The following CRYM variants were observed in gnomAD, a reference collection of about 807,000 sequenced individuals.
CRYM encodes ketimine reductase mu-crystallin.
In CRYM, 18 loss-of-function variants were observed where a neutral mutation model predicts 32.9. That is an observed-to-expected ratio of 0.55 (90% CI 0.38 to 0.81). The LOEUF (loss-of-function observed/expected upper bound fraction) is 0.81. Ranked by LOEUF, CRYM falls within the 30% of genes least tolerant of loss-of-function variation. CRYM has a pLI of 0.00. For missense variants in CRYM, 337 were observed against 393.5 expected (o/e 0.86, Z 1.21); for synonymous variants, 153 against 152.4 (o/e 1.00, Z -0.03).
In CRYM at chr16:21,278,000, T is replaced by C. The variant is rs1567235922; in HGVS notation, c.170+82A>G. 6.9e-7 allele frequency: 1 copy of C among 1,449,650 alleles called. No individual in the cohort carries two copies. Among genetic ancestry groups the C allele is most frequent in the East Asian group, 2.5e-5 (1 of 40,264 alleles). The allele number at this position is 1,449,650 out of a possible 1,614,324, so 89.8% of individuals were successfully genotyped here. ...ACGGTTAGGCAAGCCGTCTCTTCCC[T>C]TCTCCCACCCCTCCTCTTCCTGCTC... On this transcript the variant is annotated intron_variant, in intron 1 of 7. Coordinates refer to ENST00000572914, the MANE Select transcript of CRYM (RefSeq NM_001376256.1). The surrounding 1 kb of genome is among the most constrained non-coding windows in gnomAD (Gnocchi z 4.2).
At chr16:21,283,914 AACC>A (rs1046044171) in intron 1 of CRYM, 5 of 152,720 alleles carry the variant, frequency 3.3e-5, no homozygotes, top group African/African-American at 1.2e-4. Context: ...GAGGAGCCCC[AACC>A]AGATGGACGC....
chr16:21,291,141 C>T (rs981753313), intron 1 of CRYM, among the ~76,000 whole-genome samples: 5 of 152,164 alleles, frequency 3.3e-5, no homozygotes, highest in African/African-American at 1.2e-4. Context: ...CAGTTCATTT[C>T]ATATAAAGCA....
intron 1 of CRYM, among the ~76,000 whole-genome samples, chr16:21,295,580 A>G (rs1316022379): frequency 2.6e-5 from 4 of 152,176 alleles, no homozygotes; most frequent in Admixed American, 1.3e-4. Context: ...GAATTCGTCC[A>G]TTTCACTTAA....
chr16:21,258,914 G>A, intron 7 of CRYM, 69 bp from the exon 8 acceptor site: 1 of 1,326,084 alleles, frequency 7.5e-7, no homozygotes, highest in South Asian at 1.2e-5. Flanking sequence ...CAGGCCCCAT[G>A]GCTGGAAGTT....
At chr16:21,287,577 C>T (rs1462187157) in intron 1 of CRYM, among the ~76,000 whole-genome samples, 1 of 152,240 alleles carries the variant, frequency 6.6e-6, no homozygotes, top group African/African-American at 2.4e-5. Flanking sequence ...ATCCTCACCC[C>T]TGATCTCCAG....
At chr16:21,278,337 C>G, upstream of CRYM, 5 of 1,497,576 alleles carry the variant, frequency 3.3e-6, no homozygotes, top group Non-Finnish European at 4.5e-6. Flanking sequence ...GCCCGCTGCT[C>G]TGTGGAGCCG....
At chr16:21,261,876 A>C in intron 6 of CRYM, 161 bp downstream of exon 6, 4 of 753,016 alleles carry the variant, frequency 5.3e-6, no homozygotes, top group Non-Finnish European at 6.6e-6. Context: ...CTGGAATGGA[A>C]TTAAAGAGGG....
chr16:21,261,065 C>A, intron 7 of CRYM, 189 bp downstream of exon 7: 1 of 641,098 alleles, frequency 1.6e-6, no homozygotes, highest in Non-Finnish European at 2.8e-6. Context: ...GGAAGGGACT[C>A]TGACCCAGGA....
intron 1 of CRYM, among the ~76,000 whole-genome samples, chr16:21,299,257 C>T (rs1960849330): frequency 6.6e-6 from 1 of 151,840 alleles, no homozygotes. Flanking sequence ...CTCAGCACTG[C>T]GTTTAGGAAT....
At chr16:21,280,305 G>A (rs566457563), upstream of CRYM, among the ~76,000 whole-genome samples, 2 of 152,234 alleles carry the variant, frequency 1.3e-5, no homozygotes, top group South Asian at 2.1e-4. Context: ...GCTGGAACCC[G>A]GGAGATGGAG....
At chr16:21,262,888 A>T (rs1190759551) in intron 5 of CRYM, among the ~76,000 whole-genome samples, 1 of 152,130 alleles carries the variant, frequency 6.6e-6, no homozygotes, top group African/African-American at 2.4e-5. Context: ...GGTCTGAGAG[A>T]GCACCTAGGC....
intron 1 of CRYM, among the ~76,000 whole-genome samples, chr16:21,286,752 G>A (rs1243899309): frequency 6.6e-6 from 1 of 152,084 alleles, no homozygotes; most frequent in Non-Finnish European, 1.5e-5. Context: ...TATTAAATAA[G>A]CCTACTATGT....
rs142217769 is a variant in CRYM, at chr16:21,258,684, G to A, written c.*97C>T. The A allele has an allele frequency of 5.3e-5, 54 of 1,026,472 alleles. No individual in the cohort carries two copies. The African/African-American group carries it at 7.2e-4, about 14-fold the overall frequency. 63.6% of individuals were successfully genotyped at this position (1,026,472 alleles called of 1,614,324 possible). ...AAAACATGATAAGCACAAAAGGAGA[G>A]TTCACTGGGGACTGGACTCCCTCAT... On this transcript the variant is annotated 3_prime_UTR_variant, in exon 8 of 8. Transcript: ENST00000572914.
At chr16:21,280,618 C>A (rs1801251819), upstream of CRYM, among the ~76,000 whole-genome samples, 1 of 152,080 alleles carries the variant, frequency 6.6e-6, no homozygotes, top group Non-Finnish European at 1.5e-5. Context: ...CTCTTTGTGG[C>A]AATACGATAA....
At chr16:21,269,143 C>CAAAAAA (rs35798113) in intron 4 of CRYM, among the ~76,000 whole-genome samples, 3 of 78,476 alleles carry the variant, frequency 3.8e-5, no homozygotes, top group Non-Finnish European at 7.7e-5. Context: ...GACTCCATTT[C>CAAAAAA]AAAAAAAAAA....
chr16:21,290,019 A>G (rs907558902), intron 1 of CRYM, among the ~76,000 whole-genome samples: 3 of 148,750 alleles, frequency 2.0e-5, no homozygotes, highest in African/African-American at 7.8e-5. Context: ...ACCAATCAGC[A>G]CTCTGTAAAA....
chr16:21,265,088 A>T (rs1364827664), intron 5 of CRYM, among the ~76,000 whole-genome samples: 1 of 152,172 alleles, frequency 6.6e-6, no homozygotes, highest in Non-Finnish European at 1.5e-5. Flanking sequence ...CTTTCTGAAG[A>T]TGCAGCCTTG....
intron 1 of CRYM, among the ~76,000 whole-genome samples, chr16:21,290,310 A>G (rs1307823794): frequency 2.6e-5 from 4 of 152,126 alleles, no homozygotes; most frequent in Non-Finnish European, 5.9e-5. Flanking sequence ...CCACGAACCC[A>G]CCGGGAGGGA....
intron 1 of CRYM, chr16:21,301,106 G>A (rs1960912005): frequency 6.6e-6 from 1 of 152,364 alleles, no homozygotes; most frequent in Admixed American, 6.5e-5. Context: ...GCCCGCATGA[G>A]GGGTTTGCAG....
Sources: gnomAD v4.1 joint callset for allele counts (sites outside exome capture counted in the v4.1 genomes callset) on GRCh38, gnomAD v4.1.1 for gene constraint, Gnocchi (gnomAD v3.1) non-coding constraint, MANE v1.5 for transcripts, NCBI Gene and HGNC (gene_info 2026-07-23, HGNC 2026-07-21) for gene names.